Variants in PRDM16 observed in about 807,000 individuals in gnomAD.
PRDM16 encodes PR/SET domain 16, also known as histone-lysine N-methyltransferase PRDM16.
A neutral mutation model predicts 110.6 loss-of-function variants in PRDM16; 23 were observed. That is an observed-to-expected ratio of 0.21 (90% CI 0.15 to 0.29). The LOEUF is 0.29. Ranked by LOEUF, PRDM16 falls within the 10% of genes least tolerant of loss-of-function variation. The pLI is 1.00. For synonymous variants in PRDM16, 799 were observed against 781.8 expected, an observed-to-expected ratio of 1.02 and a Z score of -0.37; for missense variants, 1,615 against 1,794.3, an observed-to-expected ratio of 0.90 and a Z score of 1.81.
At chr1:3,113,167 G>A (rs901105507) in intron 1 of PRDM16, among the ~76,000 whole-genome samples, 4 of 152,258 alleles carry the variant, frequency 2.6e-5, no homozygotes, top group Admixed American at 6.5e-5. Context: ...GGGACTCCAC[G>A]GAGGGGGCTG....
intron 2 of PRDM16, among the ~76,000 whole-genome samples, chr1:3,221,170 C>G (rs192779102): frequency 9.9e-5 from 15 of 152,248 alleles, no homozygotes; most frequent in Middle Eastern, 3.4e-3. Context: ...TCAGCCTCAG[C>G]ATTCGGTCTC....
chr1:3,281,222 C>T (rs183123632), intron 3 of PRDM16, among the ~76,000 whole-genome samples: 1 of 152,334 alleles, frequency 6.6e-6, no homozygotes, highest in East Asian at 1.9e-4. Context: ...ACACCCAGCC[C>T]CTACCTGAGA....
intron 2 of PRDM16, among the ~76,000 whole-genome samples, chr1:3,225,838 G>A (rs527804549): frequency 3.3e-5 from 5 of 152,326 alleles, no homozygotes; most frequent in Admixed American, 1.3e-4. Context: ...TCCTGGGGAC[G>A]GAGCCGCCGG....
rs540694911 is a variant in PRDM16, at chr1:3,125,361, T to G, written c.37+56065T>G. ...ATTGGATGGGCAAAGAGGACGGTCCTCCTGTCCTTTCTGGAAGTGGGCCTC... is the reference window on the plus strand; with the variant it reads ...ATTGGATGGGCAAAGAGGACGGTCCGCCTGTCCTTTCTGGAAGTGGGCCTC... On this transcript the variant is annotated intron_variant, in intron 1 of 16. Transcript: ENST00000270722. Among the ~76,000 whole-genome samples, 232 of 152,354 alleles carry G rather than the reference T, an allele frequency of 1.5e-3. 2 individuals are homozygous for G. Among genetic ancestry groups the G allele is most frequent in the African/African-American group, 5.1e-3 (213 of 41,586 alleles).
chr1:3,365,962 GCACA>G (rs534797008), intron 3 of PRDM16, among the ~76,000 whole-genome samples: 1 of 151,208 alleles, frequency 6.6e-6, no homozygotes. Context: ...ATGCACACAT[GCACA>G]CACACGCACA....
intron 3 of PRDM16, among the ~76,000 whole-genome samples, chr1:3,333,651 G>C (rs932083454): frequency 6.6e-6 from 1 of 152,178 alleles, no homozygotes. Context: ...AGATGTGGTG[G>C]TGGGGTTTGG....
chr1:3,085,919 G>A (rs1042397450), intron 1 of PRDM16, among the ~76,000 whole-genome samples: 1 of 152,270 alleles, frequency 6.6e-6, no homozygotes, highest in African/African-American at 2.4e-5. Context: ...CCAGCCCTGA[G>A]AGTTGGTGCC....
In PRDM16 at chr1:3,425,158, A is replaced by C. The variant is rs1638561499; in HGVS notation, c.2940-423A>C. 6.5e-6 allele frequency: 1 copy of C among 154,732 alleles called. No homozygotes were observed. Among genetic ancestry groups the C allele is most frequent in the Admixed American group, 6.2e-5 (1 of 16,006 alleles). The allele number at this position is 154,732 out of a possible 1,614,324, so 9.6% of individuals were successfully genotyped here. A position where few individuals can be genotyped will look rare whatever the true frequency, so the allele number is the denominator to read the frequency against. ...GGTGGCGTGATCTTGGCTCACTGCA[A>C]GCTCCGCCTCCCGGGTTCACGCCAT... On this transcript the variant is annotated intron_variant, in intron 12 of 16. Transcript: ENST00000270722. The surrounding 1 kb of genome is among the most constrained non-coding windows in gnomAD (Gnocchi z 6.9).
chr1:3,172,179 G>A (rs114405859), intron 1 of PRDM16, among the ~76,000 whole-genome samples: 10 of 152,310 alleles, frequency 6.6e-5, no homozygotes, highest in African/African-American at 1.9e-4. Flanking sequence ...CAGGGCATAC[G>A]GCTCTGAACG....
chr1:3,151,924 C>T (rs1324229493), intron 1 of PRDM16, among the ~76,000 whole-genome samples: 2 of 152,248 alleles, frequency 1.3e-5, no homozygotes, highest in African/African-American at 4.8e-5. Context: ...GGGAACATGC[C>T]TTTGGGCCGA....
chr1:3,418,049 A>G (rs1569750183), intron 11 of PRDM16, 52 bp downstream of exon 11: 2 of 1,493,814 alleles, frequency 1.3e-6, no homozygotes, highest in Non-Finnish European at 1.8e-6. Flanking sequence ...CTCGAGTGCC[A>G]CACCTGTGGC....
Position 3,143,961 on chromosome 1 carries a change from AG to A in PRDM16, c.38-42159del, listed in dbSNP as rs1353928626. The stretch of plus-strand genomic sequence containing the variant: ...AGGCTCCACAAGCACTTTTGAGGCC[AG>A]GGGGAAGATGCTAAGGGGTCCTCTT... On this transcript the variant is annotated intron_variant, in intron 1 of 16. Coordinates refer to ENST00000270722, the MANE Select transcript of PRDM16 (RefSeq NM_022114.4). The surrounding 1 kb of genome is among the most constrained non-coding windows in gnomAD (Gnocchi z 4.5). Among the ~76,000 whole-genome samples, 1 of 152,174 alleles carries A rather than the reference AG, an allele frequency of 6.6e-6. No homozygotes were observed. Among genetic ancestry groups the A allele is most frequent in the Non-Finnish European group, 1.5e-5 (1 of 68,032 alleles).
intron 3 of PRDM16, among the ~76,000 whole-genome samples, chr1:3,345,286 A>G (rs1642339376): frequency 6.6e-6 from 1 of 151,920 alleles, no homozygotes; most frequent in Non-Finnish European, 1.5e-5. Context: ...GTTTTAAATT[A>G]TTTTTTTCCA....
chr1:3,100,141 C>G (rs956216808), intron 1 of PRDM16, among the ~76,000 whole-genome samples: 2 of 152,162 alleles, frequency 1.3e-5, no homozygotes, highest in Non-Finnish European at 2.9e-5. Flanking sequence ...GGGCCCTGCC[C>G]TCCCCTGAGG....
chr1:3,205,483 T>C (rs1394789055), intron 2 of PRDM16, among the ~76,000 whole-genome samples: 1 of 151,742 alleles, frequency 6.6e-6, no homozygotes, highest in African/African-American at 2.4e-5. Flanking sequence ...AATACAGAAA[T>C]GGACCAGCCA....
chr1:3,411,367 T>C lies in PRDM16; in HGVS notation c.1187-17T>C, dbSNP rs767218295. The C allele has an allele frequency of 1.3e-6, 2 of 1,591,942 alleles. No homozygotes were observed. The highest frequency in any genetic ancestry group is 1.3e-5 in the African/African-American group (1 of 74,546). On this transcript the variant is annotated splice_polypyrimidine_tract_variant and intron_variant, in intron 8 of 16. Coordinates refer to ENST00000270722, the MANE Select transcript of PRDM16 (RefSeq NM_022114.4). ...TCATTTCATGCGGGTTTGTCTTGGC[T>C]TCTGCTGATGTTTTAGGTGAGGTCT... is the stretch of plus-strand genomic sequence containing the variant.
At chr1:3,367,931 G>A (rs116794603) in intron 3 of PRDM16, among the ~76,000 whole-genome samples, 1 of 152,306 alleles carries the variant, frequency 6.6e-6, no homozygotes, top group African/African-American at 2.4e-5. Flanking sequence ...AGTAGTTGTT[G>A]TTTAGAGAGG....
chr1:3,430,757 G>A lies in PRDM16; in HGVS notation c.3285-115G>A, dbSNP rs949447239. On this transcript the variant is annotated intron_variant, in intron 14 of 16. Coordinates refer to ENST00000270722, the MANE Select transcript of PRDM16 (RefSeq NM_022114.4). ...CCCGCGGGAGCTCCCTCAGGAAGGGGGCTGAGTGTTGTCGGGGGAGGCAGT... is the reference window on the plus strand; with the variant it reads ...CCCGCGGGAGCTCCCTCAGGAAGGGAGCTGAGTGTTGTCGGGGGAGGCAGT... 2.4e-6 allele frequency: 3 copies of A among 1,257,194 alleles called. No homozygotes were observed. The African/African-American group carries it at 4.4e-5, about 18-fold the overall frequency. 77.9% of individuals were successfully genotyped at this position (1,257,194 alleles called of 1,614,324 possible).
chr1:3,430,106 T>A (rs1377534811), intron 14 of PRDM16, among the ~76,000 whole-genome samples: 1 of 151,988 alleles, frequency 6.6e-6, no homozygotes, highest in Non-Finnish European at 1.5e-5. Context: ...GGCCCTCAGC[T>A]CCCCTGGGGC....
Sources: gnomAD v4.1 joint callset for allele counts (sites outside exome capture counted in the v4.1 genomes callset) on GRCh38, gnomAD v4.1.1 for gene constraint, Gnocchi (gnomAD v3.1) non-coding constraint, MANE v1.5 for transcripts, NCBI Gene and HGNC (gene_info 2026-07-23, HGNC 2026-07-21) for gene names.